The following RIPOR2 variants were observed in gnomAD, a reference collection of about 807,000 sequenced individuals.
The protein encoded by RIPOR2 is rho family-interacting cell polarization regulator 2.
Under a neutral mutation model 114.5 loss-of-function variants are expected in RIPOR2, and 39 were observed. That is an observed-to-expected ratio of 0.34 (90% CI 0.26 to 0.44). The LOEUF (loss-of-function observed/expected upper bound fraction) is 0.44. RIPOR2 is among the 20% of genes least tolerant of loss of function. The probability of loss-of-function intolerance (pLI) is 1.00; values close to 1 mark genes in which losing one functional copy is unlikely to be tolerated. For synonymous variants in RIPOR2, 445 were observed against 484.4 expected, an observed-to-expected ratio of 0.92 and a Z score of 1.07; for missense variants, 1,007 against 1,255.1, an observed-to-expected ratio of 0.80 and a Z score of 2.99.
Position 24,875,743 on chromosome 6 carries a change from T to C in RIPOR2, c.136A>G (p.Ile46Val). Residue 46 changes from isoleucine to valine, a missense_variant, in exon 2 of 22, where the codon ATT (isoleucine) becomes GTT (valine). By Grantham distance (29) the Ile-to-Val change is conservative. Transcript: ENST00000643898. ...AAACCCGCAAAGGACTGGCTTCTAA[T>C]GATCCCATTGGGCCCTCCAGGCGAA... ...SFSPGGPNGIIRSQSFAGFSG... is the reference protein window; with the variant it reads ...SFSPGGPNGIVRSQSFAGFSG... The C allele has an allele frequency of 1.2e-6, 2 of 1,613,742 alleles. No homozygotes were observed. Among genetic ancestry groups the C allele is most frequent in the Non-Finnish European group, 8.5e-7 (1 of 1,179,804 alleles).
chr6:24,937,376 C>T (rs1336354460), upstream of RIPOR2, among the ~76,000 whole-genome samples: 2 of 152,176 alleles, frequency 1.3e-5, no homozygotes. Context: ...ACAGGAAGAA[C>T]TGTCCAGCTC....
intron 1 of RIPOR2, among the ~76,000 whole-genome samples, chr6:24,897,111 C>T (rs1767955653): frequency 2.0e-5 from 3 of 152,134 alleles, no homozygotes; most frequent in South Asian, 4.1e-4. Flanking sequence ...AAACCTCATC[C>T]CAATACATTG....
intron 5 of RIPOR2, 112 bp from the exon 6 acceptor site, chr6:24,869,259 T>C: frequency 1.8e-6 from 1 of 561,532 alleles, no homozygotes; most frequent in Non-Finnish European, 3.2e-6. Context: ...ATCCAATATA[T>C]TTCCCCTTTC....
At chr6:24,933,798 T>C (rs1289928742) in intron 1 of RIPOR2, among the ~76,000 whole-genome samples, 5 of 152,146 alleles carry the variant, frequency 3.3e-5, no homozygotes, top group African/African-American at 1.2e-4. Flanking sequence ...TCCCAACTTA[T>C]CAACCTGCAC....
chr6:24,948,696 TA>T (rs1772591169), intron 1 of RIPOR2, among the ~76,000 whole-genome samples: 1 of 152,116 alleles, frequency 6.6e-6, no homozygotes, highest in Admixed American at 6.5e-5. Flanking sequence ...CACATCCAGC[TA>T]ATTTTGTATT....
intron 13 of RIPOR2, chr6:24,840,191 TCCTGGG>T: frequency 6.2e-6 from 6 of 969,936 alleles, no homozygotes; most frequent in Non-Finnish European, 7.4e-6. Flanking sequence ...GCTCCAGCAA[TCCTGGG>T]CTTCCCAAAG....
intron 17 of RIPOR2, among the ~76,000 whole-genome samples, chr6:24,828,963 T>C (rs537779857): frequency 1.4e-4 from 21 of 152,186 alleles, no homozygotes; most frequent in Non-Finnish European, 2.9e-4. Context: ...CACAACAAAG[T>C]ATCTGTGAGA....
chr6:25,005,738 T>TATATATATATATATATATAC lies in RIPOR2; in HGVS notation c.76+36112_76+36113insGTATATATATATATATATAT, dbSNP rs34572978. 9.1e-4 allele frequency among the ~76,000 whole-genome samples: 64 copies of TATATATATATATATATATAC among 70,688 alleles called. 16 individuals carry two copies. Among genetic ancestry groups the TATATATATATATATATATAC allele is most frequent in the Non-Finnish European group, 2.0e-3 (59 of 30,020 alleles). 46.4% of individuals were successfully genotyped at this position (70,688 alleles called of 152,430 possible). On this transcript the variant is annotated intron_variant, in intron 1 of 13. Coordinates refer to the RIPOR2 transcript ENST00000510784. Reference sequence around the variant, plus strand: ...ATATATATATATATATATATATATATATACATTTACCGATCAAAAGATATG... The same window carrying TATATATATATATATATATAC: ...ATATATATATATATATATATATATATATATATATATATATATATACATACATTTACCGATCAAAAGATATG...
At chr6:24,931,793 TG>T (rs1439343993) in intron 1 of RIPOR2, 1 of 152,232 alleles carries the variant, frequency 6.6e-6, no homozygotes, top group Non-Finnish European at 1.5e-5. Flanking sequence ...TACTGAGCAG[TG>T]CTGAAAATGG....
At chr6:25,033,195 G>T (rs1480425536) in intron 1 of RIPOR2, among the ~76,000 whole-genome samples, 3 of 112,186 alleles carry the variant, frequency 2.7e-5, no homozygotes, top group Non-Finnish European at 5.2e-5. Context: ...GTGACACAAT[G>T]AGATCTCATC....
At chr6:24,894,717 G>C (rs1197473528) in intron 1 of RIPOR2, among the ~76,000 whole-genome samples, 1 of 152,142 alleles carries the variant, frequency 6.6e-6, no homozygotes, top group East Asian at 1.9e-4. Context: ...CAACCACTAG[G>C]CGCTCATTGA....
intron 1 of RIPOR2, among the ~76,000 whole-genome samples, chr6:25,032,460 G>A (rs1777037452): frequency 6.6e-6 from 1 of 152,134 alleles, no homozygotes; most frequent in Non-Finnish European, 1.5e-5. Flanking sequence ...CACCCCTGGA[G>A]CCAACCCTTG....
intron 1 of RIPOR2, among the ~76,000 whole-genome samples, chr6:25,033,465 TCAG>T (rs1041507012): frequency 3.3e-5 from 5 of 152,164 alleles, no homozygotes; most frequent in African/African-American, 1.2e-4. Context: ...AGCCCTGGTA[TCAG>T]CATTTTTCCA....
At chr6:24,958,271 T>C (rs944119686) in intron 1 of RIPOR2, among the ~76,000 whole-genome samples, 1 of 152,162 alleles carries the variant, frequency 6.6e-6, no homozygotes, top group Non-Finnish European at 1.5e-5. Context: ...CAAAGCAGAA[T>C]TTGCATATGC....
intron 1 of RIPOR2, among the ~76,000 whole-genome samples, chr6:25,019,904 A>T (rs542325991): frequency 1.5e-4 from 23 of 151,926 alleles, no homozygotes; most frequent in Admixed American, 4.6e-4. Context: ...TCTTGTTATC[A>T]TGGGGATTTT....
chr6:24,825,323 G>A lies in RIPOR2; in HGVS notation c.2771C>T (p.Thr924Ile). ...NLLAQQEVLRTLALLLTREDN... is the reference protein window; with the variant it reads ...NLLAQQEVLRILALLLTREDN... Reference sequence around the variant, plus strand: ...CTCTCTGGTTAATAGCAGAGCCAGAGTCCTGAGTACTTCCTGCTGGGCCAG... The same window carrying A: ...CTCTCTGGTTAATAGCAGAGCCAGAATCCTGAGTACTTCCTGCTGGGCCAG... The change falls in exon 19 of 22, where the codon ACT becomes ATT. Residue 924 changes from threonine (T) to isoleucine (I), a missense_variant. Coordinates refer to ENST00000643898, the MANE Select transcript of RIPOR2 (RefSeq NM_001286445.3). 6.4e-7 allele frequency: 1 copy of A among 1,551,866 alleles called. No homozygotes were observed. The highest frequency in any genetic ancestry group is 8.7e-7 in the Non-Finnish European group (1 of 1,146,964).
At chr6:24,846,949 C>G (rs1021890741) in intron 12 of RIPOR2, among the ~76,000 whole-genome samples, 1 of 152,024 alleles carries the variant, frequency 6.6e-6, no homozygotes, top group African/African-American at 2.4e-5. Context: ...TCCTTGAATG[C>G]CAATTTTTTG....
intron 1 of RIPOR2, among the ~76,000 whole-genome samples, chr6:25,040,274 C>T (rs1480768151): frequency 6.6e-6 from 1 of 152,114 alleles, no homozygotes; most frequent in Non-Finnish European, 1.5e-5. Context: ...CACCACCACG[C>T]CTGGCTAATT....
At chr6:24,935,811 A>G (rs1407559665) in intron 1 of RIPOR2, 27 bp downstream of exon 1, 2 of 1,507,714 alleles carry the variant, frequency 1.3e-6, no homozygotes, top group South Asian at 1.2e-5. Flanking sequence ...CAGACCGGAG[A>G]GCCTCCTGCC....
Sources: allele counts gnomAD v4.1 joint callset (sites outside exome capture counted in the v4.1 genomes callset), GRCh38; gene constraint gnomAD v4.1.1; transcripts MANE v1.5; gene names NCBI Gene and HGNC (gene_info 2026-07-23, HGNC 2026-07-21).